The following HS3ST4 variants were observed in gnomAD, a reference collection of about 807,000 sequenced individuals.
HS3ST4 encodes the protein heparan sulfate-glucosamine 3-sulfotransferase 4.
A neutral mutation model predicts 29.2 loss-of-function variants in HS3ST4; 17 were observed. The observed-to-expected ratio is 0.58, with a 90% CI of 0.40 to 0.87. The LOEUF is 0.87. Among genes scored for constraint, HS3ST4 ranks in the 40% least tolerant of loss-of-function variants. HS3ST4 has a pLI of 0.00. For synonymous variants in HS3ST4, 314 were observed against 285.7 expected (o/e 1.10, Z -1.00); for missense variants, 627 against 634.5 (o/e 0.99, Z 0.13).
intron 1 of HS3ST4, among the ~76,000 whole-genome samples, chr16:25,719,322 T>C (rs1227831889): frequency 6.6e-6 from 1 of 152,204 alleles, no homozygotes; most frequent in Admixed American, 6.5e-5. Flanking sequence ...AGATGGTAAA[T>C]AATAAGGCAC....
intron 1 of HS3ST4, among the ~76,000 whole-genome samples, chr16:26,058,931 A>G (rs189233822): frequency 2.0e-5 from 3 of 152,216 alleles, no homozygotes; most frequent in African/African-American, 7.2e-5. Context: ...GGCCCCATTC[A>G]TTGTCCCAGT....
intron 1 of HS3ST4, among the ~76,000 whole-genome samples, chr16:25,996,514 G>A (rs1969160500): frequency 6.6e-6 from 1 of 152,026 alleles, no homozygotes; most frequent in Non-Finnish European, 1.5e-5. Context: ...ATAGGCAATT[G>A]TGCCAGCACC....
At chr16:25,782,946 G>T in intron 1 of HS3ST4, among the ~76,000 whole-genome samples, 1 of 152,024 alleles carries the variant, frequency 6.6e-6, no homozygotes, top group East Asian at 1.9e-4. Context: ...TGTTTCAGTG[G>T]TCTTGGGTCT....
chr16:25,873,431 AAT>A lies in HS3ST4; in HGVS notation c.734+180281_734+180282del, dbSNP rs1567261440. Among the ~76,000 whole-genome samples, 491 of 51,940 alleles carry A rather than the reference AAT, an allele frequency of 9.5e-3. 5 individuals are homozygous for A. The highest frequency in any genetic ancestry group is 0.031 in the African/African-American group (455 of 14,828). 34.1% of individuals were successfully genotyped at this position (51,940 alleles called of 152,430 possible). On this transcript the variant is annotated intron_variant, in intron 1 of 1. Transcript: ENST00000331351. ...CCATCCATCCACCCATCCATCCATT[AAT>A]CCATCCATCCATCCACCCATCCATT...
intron 1 of HS3ST4, among the ~76,000 whole-genome samples, chr16:25,937,106 C>T (rs1417397823): frequency 7.2e-5 from 11 of 151,786 alleles, no homozygotes; most frequent in African/African-American, 1.7e-4. Context: ...CAATTAGGGA[C>T]AAGGTCATAC....
chr16:25,886,194 G>A (rs956765610), intron 1 of HS3ST4, among the ~76,000 whole-genome samples: 1 of 151,784 alleles, frequency 6.6e-6, no homozygotes, highest in African/African-American at 2.4e-5. Context: ...CACCATGCCT[G>A]GCTAATTTTT....
At chr16:25,831,807 ATATT>A (rs1967304401) in intron 1 of HS3ST4, among the ~76,000 whole-genome samples, 1 of 152,112 alleles carries the variant, frequency 6.6e-6, no homozygotes, top group Non-Finnish European at 1.5e-5. Context: ...ATATGAATAA[ATATT>A]TATAATCACA....
At chr16:26,133,755 A>G (rs1213791752) in intron 1 of HS3ST4, among the ~76,000 whole-genome samples, 1 of 152,232 alleles carries the variant, frequency 6.6e-6, no homozygotes, top group Non-Finnish European at 1.5e-5. Context: ...CGCGATAGTA[A>G]ATAAATTTAA....
intron 1 of HS3ST4, among the ~76,000 whole-genome samples, chr16:26,074,852 T>C (rs1029395494): frequency 5.9e-5 from 9 of 152,130 alleles, no homozygotes; most frequent in South Asian, 2.1e-4. Context: ...GCTTTTCACT[T>C]TGGGGGGTGC....
At chr16:26,079,913 A>C (rs558403960) in intron 1 of HS3ST4, among the ~76,000 whole-genome samples, 1 of 152,336 alleles carries the variant, frequency 6.6e-6, no homozygotes, top group African/African-American at 2.4e-5. Flanking sequence ...ATGGTCAGGC[A>C]TGTTTTGGGG....
Position 25,993,986 on chromosome 16 carries a change from G to C in HS3ST4, c.735-141626G>C, listed in dbSNP as rs866047542. On this transcript the variant is annotated intron_variant, in intron 1 of 1. Coordinates refer to ENST00000331351, the MANE Select transcript of HS3ST4 (RefSeq NM_006040.3). ...TGTGTGTGTGTGTGTGTGTGTGTGT[G>C]TGTGTGTGTGTGTGTGTGTGTGGTG... is the stretch of plus-strand genomic sequence containing the variant. 1.3e-4 allele frequency among the ~76,000 whole-genome samples: 19 copies of C among 150,404 alleles called. No homozygotes were observed. In the South Asian group the frequency reaches 2.8e-3, roughly 22 times the overall value.
Position 26,098,470 on chromosome 16 carries a change from A to T in HS3ST4, c.735-37142A>T, listed in dbSNP as rs200515445. On this transcript the variant is annotated intron_variant, in intron 1 of 1. Transcript: ENST00000331351. ...GAAGCTGGAAACCATCATTCTCAGC[A>T]AACTATCACAAGGACAGAAAACTGA... Among the ~76,000 whole-genome samples the T allele has an allele frequency of 9.9e-5, 15 of 152,186 alleles. No homozygotes were observed. In the East Asian group the frequency reaches 2.7e-3, roughly 27 times the overall value.
chr16:25,904,526 C>T (rs149062389), intron 1 of HS3ST4, among the ~76,000 whole-genome samples: 5 of 152,108 alleles, frequency 3.3e-5, no homozygotes, highest in East Asian at 1.9e-4. Context: ...TAGCACTGGC[C>T]GTCAGAATAG....
chr16:26,096,204 A>G (rs1358477751), intron 1 of HS3ST4, among the ~76,000 whole-genome samples: 1 of 152,234 alleles, frequency 6.6e-6, no homozygotes, highest in African/African-American at 2.4e-5. Flanking sequence ...AAACTATTCC[A>G]ATCAATAGAA....
chr16:25,759,705 G>A (rs1195304502), intron 1 of HS3ST4, among the ~76,000 whole-genome samples: 1 of 152,068 alleles, frequency 6.6e-6, no homozygotes, highest in East Asian at 1.9e-4. Context: ...GGGGAGGATC[G>A]CTTGAGGCCA....
rs113739936 is a variant in HS3ST4 at position 25,856,871 on chromosome 16, G to C, written c.734+163720G>C. On this transcript the variant is annotated intron_variant, in intron 1 of 1. Transcript: ENST00000331351. ...TAAGTAAAGTGCCTTCCTGAGTTCT[G>C]TGAGCCATTCTAGCTAGCAAATGAT... 4.9e-3 allele frequency among the ~76,000 whole-genome samples: 744 copies of C among 152,166 alleles called. 5 individuals carry two copies. The highest frequency in any genetic ancestry group is 0.017 in the African/African-American group (705 of 41,522).
intron 1 of HS3ST4, among the ~76,000 whole-genome samples, chr16:26,039,837 C>T (rs375210265): frequency 1.0e-3 from 155 of 152,154 alleles, no homozygotes; most frequent in African/African-American, 3.0e-3. Flanking sequence ...TTCTCCATTT[C>T]GAAAAACTTC....
intron 1 of HS3ST4, among the ~76,000 whole-genome samples, chr16:25,893,998 A>G (rs1241668322): frequency 6.6e-6 from 1 of 152,102 alleles, no homozygotes; most frequent in Non-Finnish European, 1.5e-5. Flanking sequence ...GGCGATTTCT[A>G]CCTGTGTGGT....
intron 1 of HS3ST4, among the ~76,000 whole-genome samples, chr16:25,875,338 A>T (rs1009757884): frequency 6.6e-6 from 1 of 152,098 alleles, no homozygotes; most frequent in Non-Finnish European, 1.5e-5. Context: ...TCTGTGTGGC[A>T]CTGGTCATTC....
Sources: gnomAD v4.1 joint callset for allele counts (sites outside exome capture counted in the v4.1 genomes callset) on GRCh38, gnomAD v4.1.1 for gene constraint, MANE v1.5 for transcripts, NCBI Gene and HGNC (gene_info 2026-07-23, HGNC 2026-07-21) for gene names.